BRINP3: variants seen among roughly 807,000 people sequenced by gnomAD.
BRINP3 encodes the protein BMP/retinoic acid inducible neural specific 3.
BRINP3 carries 19 observed loss-of-function variants against 71.0 expected under a neutral mutation model. The observed-to-expected ratio is 0.27, with a 90% CI of 0.19 to 0.39. The LOEUF is 0.39. Ranked by LOEUF, BRINP3 falls within the 10% of genes least tolerant of loss-of-function variation. The pLI, the probability that BRINP3 is intolerant of heterozygous loss-of-function variation, is 1.00. For synonymous variants in BRINP3, 380 were observed against 337.7 expected (o/e 1.13, Z -1.37); for missense variants, 959 against 940.8 (o/e 1.02, Z -0.25).
Position 190,166,055 on chromosome 1 carries a change from T to A in BRINP3, c.962-5165A>T, listed in dbSNP as rs1651505446. On this transcript the variant is annotated intron_variant, in intron 6 of 7. Coordinates refer to ENST00000367462, the MANE Select transcript of BRINP3 (RefSeq NM_199051.3). ...GTATTGGTTTTGAAATTTCCCAATA[T>A]CTACAGTAAATCACTGATATGACTT... 2.0e-5 allele frequency among the ~76,000 whole-genome samples: 3 copies of A among 152,280 alleles called. No individual in the cohort carries two copies. The South Asian group carries it at 6.2e-4, about 32-fold the overall frequency.
intron 4 of BRINP3, among the ~76,000 whole-genome samples, chr1:190,250,055 T>G: frequency 6.6e-6 from 1 of 151,874 alleles, no homozygotes; most frequent in East Asian, 1.9e-4. Flanking sequence ...GGCAGAAATG[T>G]TATGAAGTTA....
intron 7 of BRINP3, among the ~76,000 whole-genome samples, chr1:190,102,365 G>T (rs1406198377): frequency 6.6e-6 from 1 of 152,080 alleles, no homozygotes; most frequent in African/African-American, 2.4e-5. Context: ...TTCAAAATTA[G>T]TTTGTATCAA....
At chr1:190,410,693 T>TA (rs1192417893) in intron 2 of BRINP3, among the ~76,000 whole-genome samples, 1 of 152,086 alleles carries the variant, frequency 6.6e-6, no homozygotes, top group African/African-American at 2.4e-5. Flanking sequence ...TATGTTGTTT[T>TA]AAAAAACAAG....
At chr1:190,120,528 C>T (rs1235744036) in intron 7 of BRINP3, among the ~76,000 whole-genome samples, 1 of 151,888 alleles carries the variant, frequency 6.6e-6, no homozygotes. Context: ...TTGTGTCTCA[C>T]TCTGTTGCCC....
At chr1:190,446,595 C>T (rs142924880) in intron 2 of BRINP3, among the ~76,000 whole-genome samples, 8 of 152,078 alleles carry the variant, frequency 5.3e-5, no homozygotes, top group African/African-American at 1.9e-4. Flanking sequence ...AAGAATTAAC[C>T]ACAGTACATT....
chr1:190,142,729 AAATAAAAAAATTAAAAATATGG>A (rs1655558820), intron 7 of BRINP3, among the ~76,000 whole-genome samples: 1 of 152,044 alleles, frequency 6.6e-6, no homozygotes, highest in Non-Finnish European at 1.5e-5. Context: ...TACAACTTTC[AAATAAAAAAATTAAAAATATGG>A]AATTGAAGTA....
At chr1:190,372,159 C>T (rs1445756540) in intron 2 of BRINP3, among the ~76,000 whole-genome samples, 1 of 152,162 alleles carries the variant, frequency 6.6e-6, no homozygotes, top group Non-Finnish European at 1.5e-5. Context: ...ACCTCACAGA[C>T]ATTAAGAATT....
At position 190,454,880 on chromosome 1, in the gene BRINP3, C is replaced by G. The variant is rs367647063; in HGVS notation, c.11G>C (p.Arg4Pro). 1.1e-5 allele frequency: 17 copies of G among 1,613,792 alleles called. No individual in the cohort carries two copies. Among genetic ancestry groups the G allele is most frequent in the African/African-American group, 1.3e-5 (1 of 75,050 alleles). Residue 4 changes from arginine (R) to proline (P), a missense_variant, in exon 2 of 8, where the codon CGA (arginine) becomes CCA (proline). Arg to Pro is a moderately radical substitution (Grantham distance 103). Transcript: ENST00000367462. ...GAACAATTCAGCACCAGCTCTGCTT[C>G]GCCATATCATGCTTCCACTGGGGAT... The part of the protein sequence containing the change: MIW[R>P]SRAGAELFSL...
intron 7 of BRINP3, among the ~76,000 whole-genome samples, chr1:190,152,087 T>G (rs1656443919): frequency 6.6e-6 from 1 of 152,262 alleles, no homozygotes; most frequent in Admixed American, 6.6e-5. Flanking sequence ...TTCAAGAATC[T>G]CCAACTTTGT....
rs533869337 is a variant in BRINP3 at position 190,363,527 on chromosome 1, A to G, written c.237-81777T>C. Among the ~76,000 whole-genome samples the G allele has an allele frequency of 7.2e-5, 11 of 152,274 alleles. No individual in the cohort carries two copies. The South Asian group carries it at 2.3e-3, about 32-fold the overall frequency. On this transcript the variant is annotated intron_variant, in intron 2 of 7. Transcript: ENST00000367462. The stretch of plus-strand genomic sequence containing the variant: ...TTTCATGAATCGTCTGATTTTTTAT[A>G]AGAAACTTGGAATTTTTATGTGAGG...
At chr1:190,162,055 T>A (rs554495195) in intron 6 of BRINP3, among the ~76,000 whole-genome samples, 1 of 152,256 alleles carries the variant, frequency 6.6e-6, no homozygotes, top group African/African-American at 2.4e-5. Context: ...AATAGACTTT[T>A]ATCTGAAAAA....
chr1:190,220,366 G>A (rs1383740085), intron 6 of BRINP3, among the ~76,000 whole-genome samples: 3 of 151,986 alleles, frequency 2.0e-5, no homozygotes, highest in African/African-American at 7.2e-5. Context: ...CACAGGGAGA[G>A]GAACATCACA....
chr1:190,364,247 T>C (rs1355595702), intron 2 of BRINP3, among the ~76,000 whole-genome samples: 1 of 152,226 alleles, frequency 6.6e-6, no homozygotes, highest in East Asian at 1.9e-4. Flanking sequence ...TTTATAATGT[T>C]TTTTTCCAGA....
chr1:190,129,898 T>C (rs1654393294), intron 7 of BRINP3, among the ~76,000 whole-genome samples: 1 of 152,016 alleles, frequency 6.6e-6, no homozygotes, highest in African/African-American at 2.4e-5. Flanking sequence ...CACGAATCCA[T>C]TCTTTAGACA....
chr1:190,236,458 ACTC>A (rs1658527637), intron 4 of BRINP3, among the ~76,000 whole-genome samples: 1 of 151,956 alleles, frequency 6.6e-6, no homozygotes, highest in African/African-American at 2.4e-5. Context: ...AGACACATTA[ACTC>A]AAATGCATTG....
intron 1 of BRINP3, among the ~76,000 whole-genome samples, chr1:190,466,841 A>G (rs1676787681): frequency 6.6e-6 from 1 of 151,600 alleles, no homozygotes. Context: ...AATAAAAAAT[A>G]AATTTGTAAA....
chr1:190,278,129 G>C (rs889952607), intron 3 of BRINP3, among the ~76,000 whole-genome samples: 2 of 151,658 alleles, frequency 1.3e-5, no homozygotes, highest in Admixed American at 6.6e-5. Flanking sequence ...CATTTTTCAT[G>C]TATTTCTTTT....
At chr1:190,231,182 T>C (rs1199667497) in intron 5 of BRINP3, among the ~76,000 whole-genome samples, 2 of 151,796 alleles carry the variant, frequency 1.3e-5, no homozygotes, top group African/African-American at 4.8e-5. Context: ...AATAGGACTT[T>C]TTTTGTCTAG....
At chr1:190,194,198 C>T (rs1206963500) in intron 6 of BRINP3, among the ~76,000 whole-genome samples, 1 of 151,984 alleles carries the variant, frequency 6.6e-6, no homozygotes, top group Non-Finnish European at 1.5e-5. Flanking sequence ...CAACATGACC[C>T]CAAAGGCAGG....
Sources: gnomAD v4.1 joint callset for allele counts (sites outside exome capture counted in the v4.1 genomes callset) on GRCh38, gnomAD v4.1.1 for gene constraint, MANE v1.5 for transcripts, NCBI Gene and HGNC (gene_info 2026-07-23, HGNC 2026-07-21) for gene names.